CRMP1: variants seen among roughly 807,000 people sequenced by gnomAD.
CRMP1 encodes collapsin response mediator protein 1.
CRMP1 carries 19 observed loss-of-function variants against 68.3 expected under a neutral mutation model. The observed-to-expected ratio is 0.28, with a 90% CI of 0.19 to 0.41. The LOEUF is 0.41. CRMP1 is among the 10% of genes least tolerant of loss of function. The pLI, the probability that CRMP1 is intolerant of heterozygous loss-of-function variation, is 1.00. For synonymous variants in CRMP1, 439 were observed against 399.6 expected (o/e 1.10, Z -1.18); for missense variants, 791 against 967.4 (o/e 0.82, Z 2.42).
Position 5,888,812 on chromosome 4 carries a change from C to G in CRMP1, c.381+3777G>C, listed in dbSNP as rs1027011993. 4.6e-5 allele frequency among the ~76,000 whole-genome samples: 7 copies of G among 151,854 alleles called. No individual in the cohort carries two copies. The highest frequency in any genetic ancestry group is 3.9e-4 in the Admixed American group (6 of 15,278). The stretch of plus-strand genomic sequence containing the variant: ...GTGGCCGCGCGTCTGGAGGCCTCCC[C>G]GGAACATCTGCGGGGGTGTGGGGGG... On this transcript the variant is annotated intron_variant, in intron 1 of 13. Coordinates refer to ENST00000324989, the MANE Select transcript of CRMP1 (RefSeq NM_001014809.3). The surrounding 1 kb of genome is among the most constrained non-coding windows in gnomAD (Gnocchi z 6.4).
chr4:5,851,703 AAGG>A (rs1457189725), intron 4 of CRMP1, among the ~76,000 whole-genome samples: 1 of 150,610 alleles, frequency 6.6e-6, no homozygotes, highest in East Asian at 2.0e-4. Flanking sequence ...AAGGGAGGAG[AAGG>A]AGGAGGAAGG....
intron 10 of CRMP1, among the ~76,000 whole-genome samples, 186 bp downstream of exon 10, chr4:5,836,579 A>G (rs1720741365): frequency 6.6e-6 from 1 of 152,264 alleles, no homozygotes; most frequent in Non-Finnish European, 1.5e-5. Context: ...ACAAATGCAG[A>G]GGCCTCTCCC....
intron 5 of CRMP1, among the ~76,000 whole-genome samples, chr4:5,851,180 G>A (rs1007562566): frequency 6.6e-6 from 1 of 152,214 alleles, no homozygotes; most frequent in Non-Finnish European, 1.5e-5. Flanking sequence ...AGATTTGGGA[G>A]CCACCAAACC....
At chr4:5,823,696 CCTT>C (rs1719062531) in intron 13 of CRMP1, among the ~76,000 whole-genome samples, 1 of 152,254 alleles carries the variant, frequency 6.6e-6, no homozygotes, top group Non-Finnish European at 1.5e-5. Context: ...CGCTAGCTCT[CCTT>C]CGCCTTCTGC....
rs1156768288 is a variant in CRMP1, at chr4:5,853,724, T to C, written c.821-2255A>G. Among the ~76,000 whole-genome samples, 1 of 152,230 alleles carries C rather than the reference T, an allele frequency of 6.6e-6. No individual in the cohort carries two copies. Among genetic ancestry groups the C allele is most frequent in the Admixed American group, 6.5e-5 (1 of 15,284 alleles). On this transcript the variant is annotated intron_variant, in intron 4 of 13. Coordinates refer to ENST00000324989, the MANE Select transcript of CRMP1 (RefSeq NM_001014809.3). This position sits in a 1 kb window ranked among gnomAD's most constrained non-coding sequence, Gnocchi z 4.7. The stretch of plus-strand genomic sequence containing the variant: ...TCAATGAATGAATGGATTTTATAAA[T>C]GTGGTAAACATACACAATGGATGCC...
At position 5,828,558 on chromosome 4, in the gene CRMP1, G is replaced by A; in HGVS notation, c.1734C>T (p.Gly578=). ...CCTTCCGCGGAATGAAGCGGCCCAT[G>A]CCCTTGTTGACGTTGATGTTTCCGT... The part of the protein sequence containing the change: ...FEDGNINVNK[G]MGRFIPRKAF... Residue 578 remains glycine, a synonymous_variant, in exon 12 of 14, where the codon GGC becomes GGT. Coordinates refer to ENST00000324989, the MANE Select transcript of CRMP1 (RefSeq NM_001014809.3). 6.2e-7 allele frequency: 1 copy of A among 1,614,222 alleles called. No individual in the cohort carries two copies. The highest frequency in any genetic ancestry group is 8.5e-7 in the Non-Finnish European group (1 of 1,180,036).
rs1714488736 is a variant in CRMP1 at position 5,872,009 on chromosome 4, G to A, written c.382-5253C>T. Among the ~76,000 whole-genome samples the A allele has an allele frequency of 6.6e-6, 1 of 152,206 alleles. No homozygotes were observed. Among genetic ancestry groups the A allele is most frequent in the South Asian group, 2.1e-4 (1 of 4,826 alleles). On this transcript the variant is annotated intron_variant, in intron 1 of 13. Transcript: ENST00000324989. The surrounding 1 kb of genome is among the most constrained non-coding windows in gnomAD (Gnocchi z 4.6). Reference sequence around the variant, plus strand: ...CCAGGTTCACACAACCAGTAAGGATGCAGGCTAGAGCCAAGGGTTCCTAAT... The same window carrying A: ...CCAGGTTCACACAACCAGTAAGGATACAGGCTAGAGCCAAGGGTTCCTAAT...
At chr4:5,887,960 A>G (rs1421411770) in intron 1 of CRMP1, 2 of 572,430 alleles carry the variant, frequency 3.5e-6, no homozygotes, top group African/African-American at 3.9e-5. Flanking sequence ...CCTCTGGCAC[A>G]TCCCGTGGGG....
chr4:5,835,830 TTCATAAATC>T, intron 11 of CRMP1, 76 bp downstream of exon 11: 1 of 1,330,404 alleles, frequency 7.5e-7, no homozygotes, highest in African/African-American at 1.5e-5. Context: ...AGTTGGAAAA[TTCATAAATC>T]ATTTTTAACC....
chr4:5,867,265 G>A (rs1714062009), intron 1 of CRMP1, among the ~76,000 whole-genome samples: 1 of 152,144 alleles, frequency 6.6e-6, no homozygotes, highest in African/African-American at 2.4e-5. Context: ...TGGAAGGTTT[G>A]AACCAACAGC....
At chr4:5,831,269 T>C (rs1720365097) in intron 11 of CRMP1, among the ~76,000 whole-genome samples, 1 of 152,182 alleles carries the variant, frequency 6.6e-6, no homozygotes, top group Admixed American at 6.5e-5. Flanking sequence ...TTTATTGCTA[T>C]TACAGGATTT....
intron 11 of CRMP1, among the ~76,000 whole-genome samples, chr4:5,833,057 C>T (rs908350719): frequency 2.0e-5 from 3 of 151,924 alleles, no homozygotes; most frequent in South Asian, 4.1e-4. Context: ...CTGCTGGGGA[C>T]GTCAGACGCT....
rs1713887969 is a variant in CRMP1, at chr4:5,865,066, C to T, written c.470+1602G>A. Among the ~76,000 whole-genome samples, 1 of 151,954 alleles carries T rather than the reference C, an allele frequency of 6.6e-6. No individual in the cohort carries two copies. The highest frequency in any genetic ancestry group is 2.4e-5 in the African/African-American group (1 of 41,344). On this transcript the variant is annotated intron_variant, in intron 2 of 13. Transcript: ENST00000324989. The surrounding 1 kb of genome is among the most constrained non-coding windows in gnomAD (Gnocchi z 4.1). Reference sequence around the variant, plus strand: ...CCAATACTCCACAGCCCCTTTCCCCCAGCCTCCTCCTCCTCCTCCATCATC... The same window carrying T: ...CCAATACTCCACAGCCCCTTTCCCCTAGCCTCCTCCTCCTCCTCCATCATC...
intron 12 of CRMP1, chr4:5,826,478 A>AGGACACCTCCACACCAGCCTGCG: frequency 1.3e-5 from 2 of 148,856 alleles, no homozygotes; most frequent in Non-Finnish European, 3.0e-5. Flanking sequence ...ACCAGCCTGC[A>AGGACACCTCCACACCAGCCTGCG]GGAGGACGAG....
At position 5,843,101 on chromosome 4, in the gene CRMP1, G is replaced by A. The variant is rs766002544; in HGVS notation, c.1024C>T (p.Pro342Ser). The A allele has an allele frequency of 5.6e-6, 9 of 1,613,968 alleles. No homozygotes were observed. The African/African-American group carries it at 1.1e-4, about 19-fold the overall frequency. ...AGTTGAGGAGTCCTTACCTCTTCAGGTCTGCTCAGGGCATGGCCCTCGGGA... is the reference window on the plus strand; with the variant it reads ...AGTTGAGGAGTCCTTACCTCTTCAGATCTGCTCAGGGCATGGCCCTCGGGA... The part of the protein sequence containing the change: ...TGPEGHALSR[P>S]EELEAEAVFR... Residue 342 changes from proline (P) to serine (S), a missense_variant, in exon 7 of 14, where the codon CCT (proline) becomes TCT (serine). By Grantham distance (74) the Pro-to-Ser change is moderately conservative. Coordinates refer to ENST00000324989, the MANE Select transcript of CRMP1 (RefSeq NM_001014809.3). The surrounding 1 kb of genome is among the most constrained non-coding windows in gnomAD (Gnocchi z 4.1).
chr4:5,824,850 T>G, intron 13 of CRMP1: 1 of 985,424 alleles, frequency 1.0e-6, no homozygotes, highest in Non-Finnish European at 1.2e-6. Flanking sequence ...CCTGCCCTCA[T>G]GTGGCCATCT....
At chr4:5,823,582 G>A (rs2152432435) in intron 13 of CRMP1, among the ~76,000 whole-genome samples, 1 of 152,358 alleles carries the variant, frequency 6.6e-6, no homozygotes, top group South Asian at 2.1e-4. Flanking sequence ...CTTGGTGTCA[G>A]CCTTACAGTA....
chr4:5,822,288 AGGT>A, intron 13 of CRMP1, among the ~76,000 whole-genome samples: 1 of 152,328 alleles, frequency 6.6e-6, no homozygotes, highest in South Asian at 2.1e-4. Context: ...TGCGGGACAC[AGGT>A]GTTGGGTGGG....
rs1714909770 is a variant in CRMP1, at chr4:5,877,314, C to T, written c.382-10558G>A. On this transcript the variant is annotated intron_variant, in intron 1 of 13. Coordinates refer to ENST00000324989, the MANE Select transcript of CRMP1 (RefSeq NM_001014809.3). The surrounding 1 kb of genome is among the most constrained non-coding windows in gnomAD (Gnocchi z 4.3). ...ATCATCGCATCAAAGCAAATTAATA[C>T]ATCGTAAAGGTTCTGTGCTGGGAGC... 6.6e-6 allele frequency among the ~76,000 whole-genome samples: 1 copy of T among 152,216 alleles called. No homozygotes were observed. The highest frequency in any genetic ancestry group is 2.1e-4 in the South Asian group (1 of 4,834).
Sources: allele counts gnomAD v4.1 joint callset (sites outside exome capture counted in the v4.1 genomes callset), GRCh38; gene constraint gnomAD v4.1.1; non-coding constraint Gnocchi (gnomAD v3.1); transcripts MANE v1.5; gene names NCBI Gene and HGNC (gene_info 2026-07-23, HGNC 2026-07-21).